Variants in CRACR2A observed in about 807,000 individuals in gnomAD.
CRACR2A encodes calcium release activated channel regulator 2A, also known as EF-hand calcium-binding domain-containing protein 4B.
Under a neutral mutation model 90.5 loss-of-function variants are expected in CRACR2A, and 79 were observed. The observed-to-expected ratio is 0.87, with a 90% confidence interval of 0.73 to 1.05. CRACR2A has a LOEUF of 1.05. Among genes scored for constraint, CRACR2A ranks in the 50% least tolerant of loss-of-function variants. CRACR2A has a pLI of 0.00. For synonymous variants in CRACR2A, 338 were observed against 356.7 expected, an observed-to-expected ratio of 0.95 and a Z score of 0.59; for missense variants, 823 against 897.2, an observed-to-expected ratio of 0.92 and a Z score of 1.06.
intron 2 of CRACR2A, chr12:3,729,047 T>G (rs967489363): frequency 2.0e-5 from 3 of 152,236 alleles, no homozygotes; most frequent in Non-Finnish European, 4.4e-5. Flanking sequence ...CAATACCACA[T>G]GTAGCTGGTG....
intron 2 of CRACR2A, 85 bp downstream of exon 2, chr12:3,732,857 A>C (rs896843536): frequency 4.1e-4 from 63 of 152,216 alleles, no homozygotes; most frequent in African/African-American, 1.5e-3. Flanking sequence ...TCTTATCCTC[A>C]TTCAGAACAT....
intron 4 of CRACR2A, among the ~76,000 whole-genome samples, chr12:3,680,928 G>A (rs1412065676): frequency 6.6e-6 from 1 of 151,310 alleles, no homozygotes. Flanking sequence ...AAGTAGTAGG[G>A]AGGCAGAGAG....
rs192736735 is a variant in CRACR2A at position 3,699,883 on chromosome 12, C to G, written c.-36-2848G>C. Among the ~76,000 whole-genome samples the G allele has an allele frequency of 4.6e-5, 7 of 152,296 alleles. No individual in the cohort carries two copies. In the South Asian group the frequency reaches 1.5e-3, roughly 32 times the overall value. ...GGCCTGCAAGCATTTTTATTTCAGG[C>G]AGGTAGCTCTATATGTGGAATTTTT... On this transcript the variant is annotated intron_variant, in intron 3 of 19. Transcript: ENST00000440314.
intron 17 of CRACR2A, among the ~76,000 whole-genome samples, chr12:3,623,305 T>C (rs1161953814): frequency 1.3e-5 from 2 of 152,198 alleles, no homozygotes; most frequent in Non-Finnish European, 2.9e-5. Context: ...TCGGAAACAC[T>C]GGTCTATTCG....
chr12:3,662,976 C>T (rs1945065630), intron 7 of CRACR2A, among the ~76,000 whole-genome samples: 1 of 152,228 alleles, frequency 6.6e-6, no homozygotes, highest in South Asian at 2.1e-4. Flanking sequence ...TTGAAGTCTT[C>T]TCTGTGAAGA....
chr12:3,685,141 C>A (rs1945529234), intron 4 of CRACR2A, among the ~76,000 whole-genome samples: 8 of 152,220 alleles, frequency 5.3e-5, no homozygotes, highest in Admixed American at 5.2e-4. Flanking sequence ...TGCCATATGT[C>A]CTCCAGGAGG....
rs1944577252 is a variant in CRACR2A at position 3,641,794 on chromosome 12, A to C, written c.1209T>G (p.Ser403Arg). Residue 403 changes from serine to arginine, a missense_variant, in exon 13 of 20, where the codon AGT becomes AGG. Physicochemically the swap from Ser to Arg is moderately radical, Grantham distance 110. Coordinates refer to ENST00000440314, the MANE Select transcript of CRACR2A (RefSeq NM_001144958.2). Reference protein sequence around the residue: ...AKANTAASRASWKKRSGSVIG... With the variant: ...AKANTAASRARWKKRSGSVIG... Reference sequence around the variant, plus strand: ...TCACAGAGCCAGATCTCTTTTTCCAACTTGCCCTGGAAGCAGCTGTGTTTG... The same window carrying C: ...TCACAGAGCCAGATCTCTTTTTCCACCTTGCCCTGGAAGCAGCTGTGTTTG... The C allele has an allele frequency of 6.4e-7, 1 of 1,551,620 alleles. No individual in the cohort carries two copies. The highest frequency in any genetic ancestry group is 2.0e-5 in the Admixed American group (1 of 51,004).
intron 2 of CRACR2A, among the ~76,000 whole-genome samples, chr12:3,720,456 A>AAGCAAGCAAGCAAGC (rs1946151686): frequency 6.6e-6 from 1 of 150,432 alleles, no homozygotes; most frequent in African/African-American, 2.5e-5. Context: ...AGAAAGAAAG[A>AAGCAAGCAAGCAAGC]AAGAAAGAAA....
intron 17 of CRACR2A, among the ~76,000 whole-genome samples, chr12:3,626,836 C>T (rs529372751): frequency 2.6e-5 from 4 of 152,194 alleles, no homozygotes; most frequent in Non-Finnish European, 4.4e-5. Flanking sequence ...CCAGATAATT[C>T]AGAATGCAAA....
intron 2 of CRACR2A, among the ~76,000 whole-genome samples, chr12:3,724,434 C>A (rs1435447730): frequency 6.6e-6 from 1 of 152,232 alleles, no homozygotes; most frequent in African/African-American, 2.4e-5. Context: ...TGCGCTTCAT[C>A]ATGCAGTGCC....
rs1056398745 is a variant in CRACR2A, at chr12:3,636,801, T to A, written c.1602+1323A>T. Among the ~76,000 whole-genome samples the A allele has an allele frequency of 1.4e-4, 22 of 152,134 alleles. 1 individual carries two copies. Among genetic ancestry groups the A allele is most frequent in the Admixed American group, 5.2e-4 (8 of 15,282 alleles). ...CCCCTGCACCAGGGCCCTTGAGGAG[T>A]GATCTGCAGGCATGAGTCTTAATCC... On this transcript the variant is annotated intron_variant, in intron 14 of 19. Coordinates refer to ENST00000440314, the MANE Select transcript of CRACR2A (RefSeq NM_001144958.2).
intron 9 of CRACR2A, among the ~76,000 whole-genome samples, chr12:3,654,837 G>A (rs746441896): frequency 5.3e-5 from 8 of 152,144 alleles, no homozygotes; most frequent in South Asian, 2.1e-4. Flanking sequence ...AATTTTGCAC[G>A]CTGATAGCAA....
intron 17 of CRACR2A, among the ~76,000 whole-genome samples, chr12:3,620,839 T>C (rs897166721): frequency 6.6e-6 from 1 of 152,336 alleles, no homozygotes; most frequent in Middle Eastern, 3.4e-3. Context: ...AAAAATAGAT[T>C]AAATTCTGGA....
intron 3 of CRACR2A, among the ~76,000 whole-genome samples, chr12:3,703,471 T>A (rs1296383415): frequency 6.6e-6 from 1 of 152,176 alleles, no homozygotes; most frequent in African/African-American, 2.4e-5. Flanking sequence ...CCTGTAAACA[T>A]AAAACTTCAA....
At chr12:3,632,230 T>C (rs897709838) in intron 15 of CRACR2A, among the ~76,000 whole-genome samples, 7 of 152,108 alleles carry the variant, frequency 4.6e-5, no homozygotes, top group Non-Finnish European at 1.0e-4. Flanking sequence ...ACTGTAAGTT[T>C]CCCAAGGCCT....
intron 10 of CRACR2A, among the ~76,000 whole-genome samples, chr12:3,651,214 A>G (rs543730520): frequency 6.6e-6 from 1 of 152,384 alleles, no homozygotes; most frequent in East Asian, 1.9e-4. Flanking sequence ...GAAAAATGCA[A>G]TGCTAATGCA....
intron 12 of CRACR2A, among the ~76,000 whole-genome samples, chr12:3,643,859 TATTA>T (rs1944628156): frequency 4.2e-5 from 2 of 47,808 alleles, no homozygotes; most frequent in African/African-American, 7.4e-5. Context: ...TATATATTTA[TATTA>T]TATATATTAT....
intron 6 of CRACR2A, among the ~76,000 whole-genome samples, chr12:3,678,574 G>A (rs1238634607): frequency 6.6e-6 from 1 of 152,090 alleles, no homozygotes; most frequent in Non-Finnish European, 1.5e-5. Flanking sequence ...GCATGGTACA[G>A]ACCTCTGATG....
intron 12 of CRACR2A, among the ~76,000 whole-genome samples, chr12:3,644,049 CAT>C (rs71441831): frequency 7.9e-4 from 105 of 133,432 alleles, no homozygotes; most frequent in Non-Finnish European, 8.0e-4. Flanking sequence ...TTCTACGACT[CAT>C]ATATATATAT....
Sources: gnomAD v4.1 joint callset for allele counts (sites outside exome capture counted in the v4.1 genomes callset) on GRCh38, gnomAD v4.1.1 for gene constraint, MANE v1.5 for transcripts, NCBI Gene and HGNC (gene_info 2026-07-23, HGNC 2026-07-21) for gene names.